The following CNTNAP4 variants were observed in gnomAD, a reference collection of about 807,000 sequenced individuals.
CNTNAP4 encodes contactin-associated protein-like 4.
Under a neutral mutation model 148.4 loss-of-function variants are expected in CNTNAP4, and 98 were observed. The observed-to-expected ratio is 0.66, with a 90% CI of 0.56 to 0.78. The LOEUF is 0.78. CNTNAP4 is among the 30% of genes least tolerant of loss of function. CNTNAP4 has a pLI of 0.00. For missense variants in CNTNAP4, 1,935 were observed against 1,565.6 expected (o/e 1.24, Z -3.98); for synonymous variants, 730 against 565.1 (o/e 1.29, Z -4.14).
rs1419158160 is a variant in CNTNAP4, at chr16:76,475,867, C to G, written c.1656-72C>G. 2.3e-5 allele frequency: 23 copies of G among 1,001,848 alleles called. No individual in the cohort carries two copies. In the African/African-American group the frequency reaches 3.5e-4, roughly 15 times the overall value. 62.1% of individuals were successfully genotyped at this position (1,001,848 alleles called of 1,614,324 possible). On this transcript the variant is annotated intron_variant, in intron 10 of 23. Transcript: ENST00000611870. Reference sequence around the variant, plus strand: ...AGTTGACATCTGTCTTTCTCATGACCAAGTATAAATGGTCAATACTTTAAG... The same window carrying G: ...AGTTGACATCTGTCTTTCTCATGACGAAGTATAAATGGTCAATACTTTAAG...
intron 2 of CNTNAP4, among the ~76,000 whole-genome samples, chr16:76,343,992 A>C (rs1031762773): frequency 1.3e-5 from 2 of 152,208 alleles, no homozygotes; most frequent in Non-Finnish European, 2.9e-5. Context: ...TGTTACAGGA[A>C]GCAATTCATT....
chr16:76,446,366 C>T (rs899731520), intron 4 of CNTNAP4, among the ~76,000 whole-genome samples: 2 of 152,114 alleles, frequency 1.3e-5, no homozygotes, highest in Non-Finnish European at 2.9e-5. Context: ...TACATAAGTG[C>T]ACTCTCAAGG....
intron 2 of CNTNAP4, among the ~76,000 whole-genome samples, chr16:76,318,758 T>A (rs9673764): frequency 2.9e-5 from 4 of 139,308 alleles, no homozygotes; most frequent in Non-Finnish European, 3.0e-5. Context: ...CATAATAATA[T>A]TCATAATAAT....
intron 1 of CNTNAP4, among the ~76,000 whole-genome samples, chr16:76,290,755 T>C (rs1264713258): frequency 6.6e-6 from 1 of 152,304 alleles, no homozygotes; most frequent in East Asian, 1.9e-4. Context: ...CATATTCCCT[T>C]TGGTGCCATA....
chr16:76,298,814 C>A (rs907551603), intron 1 of CNTNAP4, among the ~76,000 whole-genome samples: 1 of 151,870 alleles, frequency 6.6e-6, no homozygotes, highest in African/African-American at 2.4e-5. Context: ...TGGAGTGGAG[C>A]CAAACAATAT....
chr16:76,430,831 A>G (rs1269836993), intron 4 of CNTNAP4, among the ~76,000 whole-genome samples: 10 of 152,096 alleles, frequency 6.6e-5, no homozygotes, highest in Admixed American at 6.6e-4. Context: ...GAACTACACA[A>G]CCCGTGTTAG....
chr16:76,348,238 A>G (rs1965075987), intron 2 of CNTNAP4, among the ~76,000 whole-genome samples: 1 of 150,522 alleles, frequency 6.6e-6, no homozygotes, highest in Non-Finnish European at 1.5e-5. Context: ...TTACCATTAT[A>G]TGGGGCTGGG....
chr16:76,492,441 G>C (rs1394796124), intron 13 of CNTNAP4, among the ~76,000 whole-genome samples: 1 of 152,140 alleles, frequency 6.6e-6, no homozygotes, highest in Admixed American at 6.5e-5. Flanking sequence ...AAGAAGGATG[G>C]TTATCAAAGT....
chr16:76,327,718 A>G (rs1219450196), intron 2 of CNTNAP4, among the ~76,000 whole-genome samples: 1 of 152,138 alleles, frequency 6.6e-6, no homozygotes, highest in Non-Finnish European at 1.5e-5. Flanking sequence ...GTAGTGAGGG[A>G]TGAGGAGGAG....
At chr16:76,432,536 T>A (rs777994098) in intron 4 of CNTNAP4, 3 of 152,092 alleles carry the variant, frequency 2.0e-5, no homozygotes, top group Non-Finnish European at 4.4e-5. Flanking sequence ...AGTAAATTAC[T>A]GGTGGGAGAA....
intron 3 of CNTNAP4, among the ~76,000 whole-genome samples, chr16:76,415,889 T>C (rs1246246720): frequency 1.3e-5 from 2 of 150,954 alleles, no homozygotes; most frequent in East Asian, 3.9e-4. Flanking sequence ...TCAGTTTATG[T>C]CTTTTATTGA....
At chr16:76,291,485 A>C (rs1294197050) in intron 1 of CNTNAP4, among the ~76,000 whole-genome samples, 2 of 152,108 alleles carry the variant, frequency 1.3e-5, no homozygotes, top group Non-Finnish European at 2.9e-5. Context: ...TTCCATAGCC[A>C]TTATCACAAG....
At chr16:76,544,289 G>T (rs769768955) in intron 21 of CNTNAP4, among the ~76,000 whole-genome samples, 1 of 151,612 alleles carries the variant, frequency 6.6e-6, no homozygotes, top group East Asian at 1.9e-4. Flanking sequence ...GCTTTTTCAG[G>T]TGGAAAAAGA....
At chr16:76,381,777 C>G (rs919942347) in intron 3 of CNTNAP4, among the ~76,000 whole-genome samples, 3 of 151,930 alleles carry the variant, frequency 2.0e-5, no homozygotes, top group African/African-American at 7.2e-5. Context: ...AAGAAAGTTA[C>G]CTGCCGGGTG....
chr16:76,347,707 C>G (rs909868459), intron 2 of CNTNAP4, among the ~76,000 whole-genome samples: 3 of 152,008 alleles, frequency 2.0e-5, no homozygotes, highest in Non-Finnish European at 4.4e-5. Flanking sequence ...CTGGCAGAAA[C>G]AAGAGCTTAA....
intron 2 of CNTNAP4, among the ~76,000 whole-genome samples, chr16:76,344,408 A>G (rs1215551327): frequency 6.6e-6 from 1 of 152,172 alleles, no homozygotes; most frequent in African/African-American, 2.4e-5. Flanking sequence ...TTGATAATCC[A>G]CATACCGTTT....
intron 3 of CNTNAP4, among the ~76,000 whole-genome samples, chr16:76,372,270 C>T (rs13338963): frequency 6.7e-6 from 1 of 150,094 alleles, no homozygotes; most frequent in East Asian, 2.0e-4. Context: ...CTCCCGAGTA[C>T]CTGGGACTAC....
chr16:76,495,855 C>T (rs1307348087), intron 14 of CNTNAP4, among the ~76,000 whole-genome samples: 1 of 151,968 alleles, frequency 6.6e-6, no homozygotes, highest in Admixed American at 6.6e-5. Context: ...TTTTGTTACA[C>T]AATGCATACT....
intron 1 of CNTNAP4, among the ~76,000 whole-genome samples, chr16:76,295,628 G>A (rs9922380): frequency 6.6e-6 from 1 of 152,088 alleles, no homozygotes; most frequent in Admixed American, 6.6e-5. Flanking sequence ...CAACAACAGA[G>A]TTGTTCCACA....
Sources: gnomAD v4.1 joint callset for allele counts (sites outside exome capture counted in the v4.1 genomes callset) on GRCh38, gnomAD v4.1.1 for gene constraint, MANE v1.5 for transcripts, NCBI Gene and HGNC (gene_info 2026-07-23, HGNC 2026-07-21) for gene names.